Variants in PSPC1 observed in about 807,000 individuals in gnomAD.
PSPC1 encodes the protein paraspeckle component 1.
PSPC1 carries 14 observed loss-of-function variants against 51.6 expected under a neutral mutation model. The observed-to-expected ratio is 0.27, with a 90% confidence interval of 0.18 to 0.42. The LOEUF (loss-of-function observed/expected upper bound fraction) is 0.42, where lower values mean the gene tolerates loss of function less well. Ranked by LOEUF, PSPC1 falls within the 10% of genes least tolerant of loss-of-function variation. The probability of loss-of-function intolerance (pLI) is 1.00; values close to 1 mark genes in which losing one functional copy is unlikely to be tolerated. For synonymous variants in PSPC1, 193 were observed against 231.9 expected (o/e 0.83, Z 1.53); for missense variants, 406 against 701.1 (o/e 0.58, Z 4.75).
At chr13:19,696,345 G>GA in intron 6 of PSPC1, among the ~76,000 whole-genome samples, 1 of 152,064 alleles carries the variant, frequency 6.6e-6, no homozygotes, top group Non-Finnish European at 1.5e-5. Flanking sequence ...GATATTAAAG[G>GA]ACTGAAATCA....
chr13:19,761,027 A>G (rs1277876237), intron 2 of PSPC1, among the ~76,000 whole-genome samples: 3 of 151,860 alleles, frequency 2.0e-5, no homozygotes, highest in African/African-American at 7.3e-5. Flanking sequence ...GCCAGGTAGC[A>G]TACACTACTC....
rs1267123532 is a variant in PSPC1 at position 19,782,089 on chromosome 13, C to G, written c.372+297G>C. Among the ~76,000 whole-genome samples, 5 of 152,268 alleles carry G rather than the reference C, an allele frequency of 3.3e-5. No individual in the cohort carries two copies. Among genetic ancestry groups the G allele is most frequent in the African/African-American group, 9.6e-5 (4 of 41,480 alleles). On this transcript the variant is annotated intron_variant, in intron 1 of 8. Coordinates refer to ENST00000338910, the MANE Select transcript of PSPC1 (RefSeq NM_001354909.2). This position sits in a 1 kb window ranked among gnomAD's most constrained non-coding sequence, Gnocchi z 4.5. ...GAGCGCTCGCTACCTGGACAGGGTG[C>G]ACCATGCCCGATCCAGCGCAGGGCA...
intron 1 of PSPC1, among the ~76,000 whole-genome samples, chr13:19,780,136 T>TG (rs1889771049): frequency 2.3e-4 from 8 of 35,450 alleles, no homozygotes; most frequent in Admixed American, 1.2e-3. Context: ...GGGAGGGAGG[T>TG]GGGGGGATCA....
At chr13:19,680,767 C>T (rs185318055) in intron 6 of PSPC1, among the ~76,000 whole-genome samples, 523 of 152,240 alleles carry the variant, frequency 3.4e-3, no homozygotes, top group Non-Finnish European at 6.2e-3. Flanking sequence ...CACACATTAA[C>T]GGGGGATTTT....
At chr13:19,757,316 C>T (rs558743466) in intron 3 of PSPC1, among the ~76,000 whole-genome samples, 1 of 152,198 alleles carries the variant, frequency 6.6e-6, no homozygotes, top group African/African-American at 2.4e-5. Flanking sequence ...ACAAAGGCTC[C>T]AGCCAGTTCC....
intron 4 of PSPC1, among the ~76,000 whole-genome samples, chr13:19,742,009 G>C (rs1403280621): frequency 6.6e-6 from 1 of 152,104 alleles, no homozygotes; most frequent in Non-Finnish European, 1.5e-5. Context: ...GCGCGCGCCT[G>C]TAGTCCCAGC....
At chr13:19,673,872 C>G (rs566151025), downstream of PSPC1, among the ~76,000 whole-genome samples, 1 of 152,324 alleles carries the variant, frequency 6.6e-6, no homozygotes, top group South Asian at 2.1e-4. Context: ...TTTAGAAGTA[C>G]AGGTCAAGGC....
In PSPC1 at chr13:19,687,743, T is replaced by A. The variant is rs116073948; in HGVS notation, c.1159-9920A>T. On this transcript the variant is annotated intron_variant and NMD_transcript_variant, in intron 6 of 7. Transcript: ENST00000471658. ...CTTCTCCATCCCACTATCCCACATA[T>A]CAAGTGCTCTCACTTCCTGCAGTTA... Among the ~76,000 whole-genome samples, 1,019 of 152,100 alleles carry A rather than the reference T, an allele frequency of 6.7e-3. 7 individuals carry two copies. The highest frequency in any genetic ancestry group is 0.023 in the African/African-American group (962 of 41,490).
chr13:19,765,054 T>G (rs1390525930), intron 2 of PSPC1, among the ~76,000 whole-genome samples: 1 of 152,156 alleles, frequency 6.6e-6, no homozygotes, highest in Admixed American at 6.6e-5. Context: ...GTTTTTCATT[T>G]TAGCTCAGTT....
At chr13:19,764,734 A>C (rs554590067) in intron 2 of PSPC1, among the ~76,000 whole-genome samples, 4 of 141,084 alleles carry the variant, frequency 2.8e-5, no homozygotes, top group African/African-American at 1.0e-4. Context: ...TATTTTGCAC[A>C]TGTAATTTCT....
intron 2 of PSPC1, among the ~76,000 whole-genome samples, chr13:19,762,398 A>G (rs993570027): frequency 3.3e-5 from 5 of 152,108 alleles, no homozygotes; most frequent in African/African-American, 1.2e-4. Context: ...TCTACTAAAA[A>G]AAATAACAAA....
chr13:19,730,947 AAAAAAAAAACAAAAAAAC>A lies in PSPC1; in HGVS notation c.1053-621_1053-604del, dbSNP rs1178875288. On this transcript the variant is annotated intron_variant, in intron 5 of 8. Coordinates refer to ENST00000338910, the MANE Select transcript of PSPC1 (RefSeq NM_001354909.2). The stretch of plus-strand genomic sequence containing the variant: ...GGGCAACAGTGAGACCCTGTCTCAG[AAAAAAAAAACAAAAAAAC>A]AAAAAAAAAAAAAACAGAAAAAGTC... Among the ~76,000 whole-genome samples, 34 of 21,838 alleles carry A rather than the reference AAAAAAAAAACAAAAAAAC, an allele frequency of 1.6e-3. 2 individuals carry two copies. Among genetic ancestry groups the A allele is most frequent in the Middle Eastern group, 0.04 (2 of 50 alleles). The allele number at this position is 21,838 out of a possible 152,430, so 14.3% of individuals were successfully genotyped here.
intron 6 of PSPC1, among the ~76,000 whole-genome samples, chr13:19,697,469 A>G (rs942537544): frequency 6.6e-6 from 1 of 152,206 alleles, no homozygotes; most frequent in African/African-American, 2.4e-5. Context: ...ATTAATGGAT[A>G]TAGTGAAATT....
chr13:19,705,067 A>G (rs558235554), intron 8 of PSPC1, among the ~76,000 whole-genome samples: 1 of 152,348 alleles, frequency 6.6e-6, no homozygotes, highest in South Asian at 2.1e-4. Flanking sequence ...AAAATGCTTG[A>G]ACGTTAGAAT....
chr13:19,680,807 C>T (rs914755531), intron 6 of PSPC1, among the ~76,000 whole-genome samples: 11 of 152,194 alleles, frequency 7.2e-5, no homozygotes, highest in Middle Eastern at 3.4e-3. Flanking sequence ...TAAACAAAAG[C>T]GAGTGAAAAA....
rs370894805 is a variant in PSPC1, at chr13:19,730,154, T to C, written c.1158+85A>G. 95 of 1,184,758 alleles carry C rather than the reference T, an allele frequency of 8.0e-5. No homozygotes were observed. The African/African-American group carries it at 1.2e-3, about 15-fold the overall frequency. 73.4% of individuals were successfully genotyped at this position (1,184,758 alleles called of 1,614,324 possible). ...TTAGAAAGATTAGAAAAGACTACTG[T>C]ATAAACCAAAATCTAAAGCATTCTA... On this transcript the variant is annotated intron_variant, in intron 6 of 8. Coordinates refer to ENST00000338910, the MANE Select transcript of PSPC1 (RefSeq NM_001354909.2).
chr13:19,724,898 C>T (rs1379773288), intron 6 of PSPC1, among the ~76,000 whole-genome samples: 1 of 152,104 alleles, frequency 6.6e-6, no homozygotes, highest in Non-Finnish European at 1.5e-5. Context: ...ATTTGGGAGG[C>T]TGAGGCAGGA....
In PSPC1 at chr13:19,777,806, C is replaced by T. The variant is rs147892259; in HGVS notation, c.372+4580G>A. On this transcript the variant is annotated intron_variant, in intron 1 of 8. Transcript: ENST00000338910. Reference sequence around the variant, plus strand: ...ACTAAAAATACAAAAATTAGCCAGGCCTGGTGGCACACACCTGTAGTCCCA... The same window carrying T: ...ACTAAAAATACAAAAATTAGCCAGGTCTGGTGGCACACACCTGTAGTCCCA... Among the ~76,000 whole-genome samples, 1,353 of 152,132 alleles carry T rather than the reference C, an allele frequency of 8.9e-3. 14 individuals are homozygous for T. The highest frequency in any genetic ancestry group is 0.031 in the African/African-American group (1,284 of 41,490).
chr13:19,680,101 A>G (rs896487525), intron 6 of PSPC1, among the ~76,000 whole-genome samples: 1 of 151,738 alleles, frequency 6.6e-6, no homozygotes, highest in African/African-American at 2.4e-5. Flanking sequence ...TGCAACCTTC[A>G]CCTCCCAGGT....
Sources: gnomAD v4.1 joint callset for allele counts (sites outside exome capture counted in the v4.1 genomes callset) on GRCh38, gnomAD v4.1.1 for gene constraint, Gnocchi (gnomAD v3.1) non-coding constraint, MANE v1.5 for transcripts, NCBI Gene and HGNC (gene_info 2026-07-23, HGNC 2026-07-21) for gene names.